COL10A1: variants seen among roughly 807,000 people sequenced by gnomAD.
COL10A1 encodes the protein collagen type X alpha 1 chain, also known as collagen alpha-1(X) chain.
In COL10A1, 10 loss-of-function variants were observed where a neutral mutation model predicts 18.2. The observed-to-expected ratio is 0.55, with a 90% CI of 0.34 to 0.93. The LOEUF (loss-of-function observed/expected upper bound fraction) is 0.93. Ranked by LOEUF, COL10A1 falls within the 40% of genes least tolerant of loss-of-function variation. COL10A1 has a pLI of 0.02. For missense variants in COL10A1, 897 were observed against 853.5 expected, an observed-to-expected ratio of 1.05 and a Z score of -0.64; for synonymous variants, 330 against 316.6, an observed-to-expected ratio of 1.04 and a Z score of -0.45.
At chr6:116,214,054 A>G in the COL10A1 span, among the ~76,000 whole-genome samples, 21 of 152,214 alleles carry the variant, frequency 1.4e-4, no homozygotes, top group African/African-American at 5.1e-4. Context: ...ATGAGATTTT[A>G]TAGGTGAAGA....
chr6:116,177,577 A>G, the COL10A1 span, among the ~76,000 whole-genome samples: 1 of 152,198 alleles, frequency 6.6e-6, no homozygotes, highest in Non-Finnish European at 1.5e-5. Context: ...ATGTATTTAG[A>G]AGTAAAATAT....
chr6:116,122,057 A>G, intron 2 of COL10A1, 96 bp from the exon 3 acceptor site: 1 of 1,033,500 alleles, frequency 9.7e-7, no homozygotes, highest in Non-Finnish European at 1.5e-6. Flanking sequence ...GGGACACGAT[A>G]TTTCAGCATC....
chr6:116,186,369 C>T, the COL10A1 span, among the ~76,000 whole-genome samples: 10 of 150,448 alleles, frequency 6.6e-5, no homozygotes, highest in South Asian at 2.1e-4. Flanking sequence ...GATCTTTTTG[C>T]GATGAATTTC....
chr6:116,150,347 A>G (rs1435640358), intron 1 of COL10A1, among the ~76,000 whole-genome samples: 1 of 152,030 alleles, frequency 6.6e-6, no homozygotes, highest in Non-Finnish European at 1.5e-5. Context: ...ATGCAGTGGC[A>G]TGTCTTGGCT....
At chr6:116,156,608 T>C (rs944556826) in intron 1 of COL10A1, among the ~76,000 whole-genome samples, 4 of 152,156 alleles carry the variant, frequency 2.6e-5, no homozygotes, top group African/African-American at 9.7e-5. Flanking sequence ...GTGGAGGCAA[T>C]GGTAATTTAG....
At chr6:116,133,867 T>C in intron 1 of COL10A1, among the ~76,000 whole-genome samples, 1 of 152,162 alleles carries the variant, frequency 6.6e-6, no homozygotes, top group East Asian at 1.9e-4. Flanking sequence ...TTGGGAAAAA[T>C]GTAACAAATA....
At chr6:116,185,113 T>C in the COL10A1 span, among the ~76,000 whole-genome samples, 1 of 152,142 alleles carries the variant, frequency 6.6e-6, no homozygotes, top group East Asian at 1.9e-4. Flanking sequence ...TTGAGTTCAT[T>C]GTTGATCCAA....
chr6:116,167,472 A>G, the COL10A1 span, among the ~76,000 whole-genome samples: 1 of 152,138 alleles, frequency 6.6e-6, no homozygotes, highest in Non-Finnish European at 1.5e-5. Flanking sequence ...TTGGCCTCCC[A>G]AAGTGCTAGG....
At chr6:116,156,622 T>G (rs1780202724) in intron 1 of COL10A1, among the ~76,000 whole-genome samples, 1 of 152,188 alleles carries the variant, frequency 6.6e-6, no homozygotes, top group South Asian at 2.1e-4. Context: ...AATTTAGAGT[T>G]TCCTTGAAAG....
At chr6:116,179,438 A>G in the COL10A1 span, among the ~76,000 whole-genome samples, 15 of 152,234 alleles carry the variant, frequency 9.9e-5, no homozygotes, top group East Asian at 2.7e-3. Flanking sequence ...CAAACAAATC[A>G]GCAGAAAAAA....
intron 2 of COL10A1, among the ~76,000 whole-genome samples, chr6:116,124,642 C>T (rs1311650885): frequency 6.6e-6 from 1 of 152,222 alleles, no homozygotes; most frequent in African/African-American, 2.4e-5. Context: ...AACTTCGCAG[C>T]AGCCCTTGAG....
intron 1 of COL10A1, among the ~76,000 whole-genome samples, chr6:116,143,505 C>T (rs772055644): frequency 1.1e-4 from 16 of 152,154 alleles, no homozygotes; most frequent in Non-Finnish European, 1.8e-4. Context: ...AGCCACTGTG[C>T]CCGGCCTTTC....
upstream of COL10A1, among the ~76,000 whole-genome samples, chr6:116,160,838 T>G (rs1332803054): frequency 1.3e-5 from 2 of 152,218 alleles, no homozygotes; most frequent in Non-Finnish European, 2.9e-5. Flanking sequence ...ATCCCATTAC[T>G]GGGTATATAC....
intron 1 of COL10A1, among the ~76,000 whole-genome samples, chr6:116,145,711 AAAAT>A (rs1183358591): frequency 6.6e-6 from 1 of 152,222 alleles, no homozygotes; most frequent in Non-Finnish European, 1.5e-5. Context: ...TATAAAATAA[AAAAT>A]AGTTTGTTTC....
At chr6:116,141,277 G>A (rs535898378) in intron 1 of COL10A1, among the ~76,000 whole-genome samples, 4 of 149,418 alleles carry the variant, frequency 2.7e-5, no homozygotes, top group Non-Finnish European at 5.9e-5. Context: ...TTTTTTTTTG[G>A]TGGTGGTGGT....
At chr6:116,182,931 G>C in the COL10A1 span, among the ~76,000 whole-genome samples, 2 of 152,000 alleles carry the variant, frequency 1.3e-5, no homozygotes, top group Non-Finnish European at 2.9e-5. Flanking sequence ...TTGAGTTCTT[G>C]ATCATGAAGT....
the COL10A1 span, among the ~76,000 whole-genome samples, chr6:116,208,989 T>C: frequency 6.6e-6 from 1 of 152,026 alleles, no homozygotes; most frequent in Non-Finnish European, 1.5e-5. Context: ...TTTCATTAGT[T>C]TGATCACAAA....
At chr6:116,142,343 TA>T (rs938704859) in intron 1 of COL10A1, among the ~76,000 whole-genome samples, 15 of 151,420 alleles carry the variant, frequency 9.9e-5, no homozygotes, top group African/African-American at 3.6e-4. Context: ...TTTCAAGTTG[TA>T]AAAAAAAATT....
At chr6:116,185,707 T>A in the COL10A1 span, among the ~76,000 whole-genome samples, 7 of 152,130 alleles carry the variant, frequency 4.6e-5, no homozygotes, top group African/African-American at 1.7e-4. Flanking sequence ...TTGGTATACA[T>A]TTGCATGGAA....
Sources: gnomAD v4.1 joint callset for allele counts (sites outside exome capture counted in the v4.1 genomes callset) on GRCh38, gnomAD v4.1.1 for gene constraint, MANE v1.5 for transcripts, NCBI Gene and HGNC (gene_info 2026-07-23, HGNC 2026-07-21) for gene names.